SCCPDH: variants seen among roughly 807,000 people sequenced by gnomAD.
The protein encoded by SCCPDH is saccharopine dehydrogenase-like oxidoreductase.
A neutral mutation model predicts 51.5 loss-of-function variants in SCCPDH; 34 were observed. The ratio of observed to expected loss-of-function variants is 0.66; its 90% CI spans 0.50 to 0.88. The LOEUF (loss-of-function observed/expected upper bound fraction) is 0.88. Among genes scored for constraint, SCCPDH ranks in the 40% least tolerant of loss-of-function variants. The pLI is 0.00. For missense variants in SCCPDH, 464 were observed against 527.1 expected (o/e 0.88, Z 1.17); for synonymous variants, 187 against 191.3 (o/e 0.98, Z 0.19).
chr1:246,745,796 C>T (rs1220191535), intron 5 of SCCPDH, among the ~76,000 whole-genome samples: 2 of 152,122 alleles, frequency 1.3e-5, no homozygotes, highest in African/African-American at 2.4e-5. Context: ...AGACAAAACC[C>T]CTCAGACACC....
At chr1:246,737,451 C>T (rs770004086) in intron 3 of SCCPDH, among the ~76,000 whole-genome samples, 4 of 152,088 alleles carry the variant, frequency 2.6e-5, no homozygotes, top group Admixed American at 6.6e-5. Context: ...CACTGCACTC[C>T]AGCCTGGGCA....
chr1:246,737,163 T>C, intron 3 of SCCPDH, among the ~76,000 whole-genome samples: 1 of 151,836 alleles, frequency 6.6e-6, no homozygotes, highest in East Asian at 1.9e-4. Flanking sequence ...AGTTTATCAA[T>C]TGGTAAAATA....
At chr1:246,762,329 C>G (rs1669028357) in intron 9 of SCCPDH, among the ~76,000 whole-genome samples, 1 of 152,158 alleles carries the variant, frequency 6.6e-6, no homozygotes, top group Admixed American at 6.5e-5. Context: ...TGCCGTTTTA[C>G]TTTGTGGATA....
chr1:246,765,950 A>C, intron 10 of SCCPDH, 108 bp from the exon 11 acceptor site: 1 of 719,572 alleles, frequency 1.4e-6, no homozygotes, highest in Non-Finnish European at 2.4e-6. Context: ...TATTGAAAAA[A>C]ATCTGCACAC....
chr1:246,744,352 CT>C (rs1216872097), intron 5 of SCCPDH, among the ~76,000 whole-genome samples: 8 of 151,898 alleles, frequency 5.3e-5, no homozygotes, highest in Non-Finnish European at 1.0e-4. Flanking sequence ...GAGTTACGCT[CT>C]TGTCGCCCAG....
At chr1:246,727,369 T>C (rs896238387) in intron 2 of SCCPDH, among the ~76,000 whole-genome samples, 4 of 152,206 alleles carry the variant, frequency 2.6e-5, no homozygotes, top group African/African-American at 9.6e-5. Context: ...GGTAAATATA[T>C]TTTTTAAATG....
chr1:246,727,682 A>C lies in SCCPDH; in HGVS notation c.303+678A>C, dbSNP rs546880922. On this transcript the variant is annotated intron_variant, in intron 2 of 11. Coordinates refer to ENST00000366510, the MANE Select transcript of SCCPDH (RefSeq NM_016002.3). ...GACATTTGAGCCAAGATCTGAATGA[A>C]ATGAGAGCAAATTGCATGAACCTTT... Among the ~76,000 whole-genome samples the C allele has an allele frequency of 6.6e-4, 101 of 152,312 alleles. 1 individual carries two copies. The South Asian group carries it at 0.021, about 31-fold the overall frequency.
rs770769450 is a variant in SCCPDH, at chr1:246,726,927, A to G, written c.226A>G (p.Ile76Val). The change falls in exon 2 of 12, where the codon ATC becomes GTC. Residue 76 changes from isoleucine to valine, a missense_variant. Physicochemically the swap from Ile to Val is conservative, Grantham distance 29. Coordinates refer to ENST00000366510, the MANE Select transcript of SCCPDH (RefSeq NM_016002.3). The stretch of plus-strand genomic sequence containing the variant: ...ACTGTCATCTGAAGTTGGAATCATC[A>G]TCTGTGATATTGCTAATCCAGCCTC... The part of the protein sequence containing the change: ...PTLSSEVGII[I>V]CDIANPASLD... 11 of 1,614,138 alleles carry G rather than the reference A, an allele frequency of 6.8e-6. No homozygotes were observed. Among genetic ancestry groups the G allele is most frequent in the Middle Eastern group, 1.6e-4 (1 of 6,062 alleles).
At chr1:246,728,863 G>T (rs1416177073) in intron 2 of SCCPDH, among the ~76,000 whole-genome samples, 2 of 152,088 alleles carry the variant, frequency 1.3e-5, no homozygotes, top group African/African-American at 4.8e-5. Flanking sequence ...AGTTTTCAAA[G>T]ACTTTATTAT....
At chr1:246,751,776 C>CTTT (rs34218859) in intron 5 of SCCPDH, among the ~76,000 whole-genome samples, 190 of 138,332 alleles carry the variant, frequency 1.4e-3, no homozygotes, top group South Asian at 8.4e-3. Context: ...ATAAATTCTC[C>CTTT]TTTTTTTTTT....
At chr1:246,729,209 G>A (rs531466404) in intron 2 of SCCPDH, among the ~76,000 whole-genome samples, 57 of 152,322 alleles carry the variant, frequency 3.7e-4, no homozygotes, top group African/African-American at 1.3e-3. Context: ...TCCATGTCCC[G>A]CTGGGCACGC....
At chr1:246,754,358 G>A (rs1431164808) in intron 5 of SCCPDH, among the ~76,000 whole-genome samples, 1 of 152,102 alleles carries the variant, frequency 6.6e-6, no homozygotes, top group South Asian at 2.1e-4. Context: ...ACAAGGCAGC[G>A]GGGCATGCCT....
Position 246,763,223 on chromosome 1 carries a change from T to C in SCCPDH, c.991-1023T>C, listed in dbSNP as rs1012916747. ...TCCTAGACCCTTCATGATCTAGTTC[T>C]GGATAGCACATAGGATTCATTTTTC... On this transcript the variant is annotated intron_variant, in intron 9 of 11. Coordinates refer to ENST00000366510, the MANE Select transcript of SCCPDH (RefSeq NM_016002.3). Among the ~76,000 whole-genome samples, 7 of 152,228 alleles carry C rather than the reference T, an allele frequency of 4.6e-5. No individual in the cohort carries two copies. The South Asian group carries it at 8.3e-4, about 18-fold the overall frequency.
At chr1:246,746,669 C>T (rs1477066182) in intron 5 of SCCPDH, among the ~76,000 whole-genome samples, 1 of 152,008 alleles carries the variant, frequency 6.6e-6, no homozygotes, top group Non-Finnish European at 1.5e-5. Flanking sequence ...GGTGAAACTC[C>T]GTCTCTACTA....
At position 246,740,321 on chromosome 1, in the gene SCCPDH, C is replaced by G. The variant is rs193163237; in HGVS notation, c.514+20C>G. 80 of 1,567,438 alleles carry G rather than the reference C, an allele frequency of 5.1e-5. 2 individuals are homozygous for G. The African/African-American group carries it at 7.0e-4, about 14-fold the overall frequency. ...TGAATGGTAATTATTGATCAATAAGCAATAATGGAATTTAACAGTACCGTG... is the reference window on the plus strand; with the variant it reads ...TGAATGGTAATTATTGATCAATAAGGAATAATGGAATTTAACAGTACCGTG... On this transcript the variant is annotated intron_variant, in intron 4 of 11. Transcript: ENST00000366510.
At position 246,766,090 on chromosome 1, in the gene SCCPDH, G is replaced by A. The variant is rs147248044; in HGVS notation, c.1135G>A (p.Val379Ile). The A allele has an allele frequency of 2.1e-4, 336 of 1,613,464 alleles. No homozygotes were observed. The highest frequency in any genetic ancestry group is 2.7e-4 in the Non-Finnish European group (316 of 1,179,790). ...CTATGTGGCTACCCCCATAGCTATG[G>A]TTCAGGCAGCCATGACTCTTCTAAG... Reference protein sequence around the residue: ...AGYVATPIAMVQAAMTLLSDA... With the variant: ...AGYVATPIAMIQAAMTLLSDA... The change falls in exon 11 of 12, where the codon GTT becomes ATT. Residue 379 changes from valine to isoleucine, a missense_variant. Transcript: ENST00000366510.
intron 5 of SCCPDH, among the ~76,000 whole-genome samples, chr1:246,750,951 A>G (rs1397857558): frequency 7.2e-5 from 11 of 152,170 alleles, no homozygotes; most frequent in Admixed American, 7.2e-4. Context: ...ATTCCTGTGC[A>G]CCCATAAACT....
intron 5 of SCCPDH, among the ~76,000 whole-genome samples, chr1:246,744,479 C>T (rs549061450): frequency 6.6e-5 from 10 of 151,954 alleles, no homozygotes; most frequent in East Asian, 1.9e-4. Context: ...CCACCACGCC[C>T]GGCTATTTTT....
intron 9 of SCCPDH, among the ~76,000 whole-genome samples, chr1:246,760,983 G>GAGC (rs1039253310): frequency 1.2e-4 from 18 of 152,238 alleles, no homozygotes; most frequent in African/African-American, 4.3e-4. Context: ...AAATAATTGA[G>GAGC]AGCACTGTTT....
Sources: gnomAD v4.1 joint callset for allele counts (sites outside exome capture counted in the v4.1 genomes callset) on GRCh38, gnomAD v4.1.1 for gene constraint, MANE v1.5 for transcripts, NCBI Gene and HGNC (gene_info 2026-07-23, HGNC 2026-07-21) for gene names.